The following ABHD6 variants were observed in gnomAD, a reference collection of about 807,000 sequenced individuals.
The protein encoded by ABHD6 is abhydrolase domain containing 6, acylglycerol lipase.
ABHD6 carries 33 observed loss-of-function variants against 38.8 expected under a neutral mutation model. The observed-to-expected ratio is 0.85, with a 90% confidence interval of 0.64 to 1.14. The LOEUF is 1.14. Among genes scored for constraint, ABHD6 ranks in the 50% most tolerant of loss-of-function variants. ABHD6 has a pLI of 0.00. For synonymous variants in ABHD6, 147 were observed against 161.6 expected (o/e 0.91, Z 0.69); for missense variants, 380 against 422.6 (o/e 0.90, Z 0.88).
At chr3:58,264,151 C>G (rs1575521528) in intron 3 of ABHD6, among the ~76,000 whole-genome samples, 1 of 152,156 alleles carries the variant, frequency 6.6e-6, no homozygotes, top group Non-Finnish European at 1.5e-5. Flanking sequence ...AATATATTTC[C>G]TATTCATGGA....
Position 58,269,484 on chromosome 3 carries a change from T to C in ABHD6, c.390+50T>C, listed in dbSNP as rs757119997. On this transcript the variant is annotated intron_variant, in intron 5 of 9. Transcript: ENST00000478253. This position sits in a 1 kb window ranked among gnomAD's most constrained non-coding sequence, Gnocchi z 4.4. Reference sequence around the variant, plus strand: ...TTGCCCAGACTGTCTCAGCCACCATTACATGTCTGAGTCTGGAGAGCAGGG... The same window carrying C: ...TTGCCCAGACTGTCTCAGCCACCATCACATGTCTGAGTCTGGAGAGCAGGG... 6 of 1,407,198 alleles carry C rather than the reference T, an allele frequency of 4.3e-6. No homozygotes were observed. In the South Asian group the frequency reaches 5.9e-5, roughly 14 times the overall value. 87.2% of individuals were successfully genotyped at this position (1,407,198 alleles called of 1,614,324 possible). A position where few individuals can be genotyped will look rare whatever the true frequency, so the allele number is the denominator to read the frequency against.
At chr3:58,245,605 C>T (rs2097425833) in intron 1 of ABHD6, among the ~76,000 whole-genome samples, 1 of 151,982 alleles carries the variant, frequency 6.6e-6, no homozygotes, top group Admixed American at 6.6e-5. Flanking sequence ...ATGGCAAAAC[C>T]CTGTCTCTAC....
chr3:58,277,646 ATT>A (rs2097449726), intron 7 of ABHD6, among the ~76,000 whole-genome samples: 2 of 152,122 alleles, frequency 1.3e-5, no homozygotes, highest in African/African-American at 4.8e-5. Context: ...CCAACACTAT[ATT>A]GAATAGGAGT....
Position 58,273,045 on chromosome 3 carries a change from C to G in ABHD6, c.524-1613C>G, listed in dbSNP as rs934624451. Among the ~76,000 whole-genome samples, 1 of 151,978 alleles carries G rather than the reference C, an allele frequency of 6.6e-6. No homozygotes were observed. Among genetic ancestry groups the G allele is most frequent in the African/African-American group, 2.4e-5 (1 of 41,390 alleles). On this transcript the variant is annotated intron_variant, in intron 6 of 9. Coordinates refer to ENST00000478253, the MANE Select transcript of ABHD6 (RefSeq NM_001320126.2). The surrounding 1 kb of genome is among the most constrained non-coding windows in gnomAD (Gnocchi z 4.8). The stretch of plus-strand genomic sequence containing the variant: ...TTTCAACTCATGTCCTTTTTCTGTT[C>G]TGGGATCCAGTCCAGGATGTACCAC...
intron 1 of ABHD6, among the ~76,000 whole-genome samples, chr3:58,248,569 A>G (rs1437548504): frequency 1.3e-5 from 2 of 152,122 alleles, no homozygotes; most frequent in African/African-American, 2.4e-5. Flanking sequence ...ATGGTGGCAC[A>G]TGCCTGTAAT....
At chr3:58,252,225 GCTT>G (rs1404084824) in intron 2 of ABHD6, among the ~76,000 whole-genome samples, 1 of 89,960 alleles carries the variant, frequency 1.1e-5, no homozygotes, top group Non-Finnish European at 2.0e-5. Context: ...TAAATTGACT[GCTT>G]GTTTTTTTTT....
intron 5 of ABHD6, 25 bp from the exon 6 acceptor site, chr3:58,270,907 G>A (rs773671045): frequency 6.3e-7 from 1 of 1,586,296 alleles, no homozygotes; most frequent in Non-Finnish European, 8.6e-7. Context: ...GTATAACCAA[G>A]CTGCTTTCTC....
rs532430085 is a variant in ABHD6 at position 58,273,488 on chromosome 3, A to G, written c.524-1170A>G. Reference sequence around the variant, plus strand: ...TTGGAACTAACCCAAATGCCCACCAATGATAAACTGGATAAAGAAAATGTG... The same window carrying G: ...TTGGAACTAACCCAAATGCCCACCAGTGATAAACTGGATAAAGAAAATGTG... On this transcript the variant is annotated intron_variant, in intron 6 of 9. Coordinates refer to ENST00000478253, the MANE Select transcript of ABHD6 (RefSeq NM_001320126.2). This position sits in a 1 kb window ranked among gnomAD's most constrained non-coding sequence, Gnocchi z 4.8. 9.8e-5 allele frequency among the ~76,000 whole-genome samples: 15 copies of G among 152,346 alleles called. No homozygotes were observed. Among genetic ancestry groups the G allele is most frequent in the Non-Finnish European group, 1.6e-4 (11 of 68,030 alleles).
intron 9 of ABHD6, among the ~76,000 whole-genome samples, chr3:58,286,870 G>GTATATA (rs1315175509): frequency 5.3e-5 from 4 of 75,042 alleles, no homozygotes; most frequent in African/African-American, 1.7e-4. Context: ...ATATATATAT[G>GTATATA]TATATGTATA....
At position 58,259,137 on chromosome 3, in the gene ABHD6, C is replaced by T. The variant is rs998981353; in HGVS notation, c.119+2432C>T. On this transcript the variant is annotated intron_variant, in intron 3 of 9. Coordinates refer to ENST00000478253, the MANE Select transcript of ABHD6 (RefSeq NM_001320126.2). This position sits in a 1 kb window ranked among gnomAD's most constrained non-coding sequence, Gnocchi z 4.7. ...ACAATTCACTGATGTGGCTCGTAAC[C>T]ATGGATATGGTCACATACAGAGGTG... Among the ~76,000 whole-genome samples the T allele has an allele frequency of 6.6e-6, 1 of 152,098 alleles. No individual in the cohort carries two copies. The highest frequency in any genetic ancestry group is 1.5e-5 in the Non-Finnish European group (1 of 68,008).
intron 7 of ABHD6, among the ~76,000 whole-genome samples, chr3:58,276,561 G>T (rs1404072997): frequency 1.3e-5 from 2 of 152,108 alleles, no homozygotes; most frequent in African/African-American, 4.8e-5. Flanking sequence ...CCATTCTGTA[G>T]GTTGCCTGTT....
At chr3:58,240,738 T>TTTC (rs2097422209) in intron 1 of ABHD6, among the ~76,000 whole-genome samples, 1 of 149,682 alleles carries the variant, frequency 6.7e-6, no homozygotes, top group Non-Finnish European at 1.5e-5. Context: ...GTAATTTTTT[T>TTTC]TTTTTTTTTT....
chr3:58,244,340 T>A (rs1300931733), intron 1 of ABHD6, among the ~76,000 whole-genome samples: 2 of 152,188 alleles, frequency 1.3e-5, no homozygotes, highest in Non-Finnish European at 2.9e-5. Flanking sequence ...TGAGAGGCCC[T>A]TGAGAAATCA....
chr3:58,282,792 C>T (rs1185913948), intron 7 of ABHD6, among the ~76,000 whole-genome samples: 1 of 152,098 alleles, frequency 6.6e-6, no homozygotes, highest in Non-Finnish European at 1.5e-5. Flanking sequence ...AGTAGAAGGG[C>T]AGGCTTGGGG....
chr3:58,280,465 C>T (rs1221448398), intron 7 of ABHD6, among the ~76,000 whole-genome samples: 1 of 152,170 alleles, frequency 6.6e-6, no homozygotes, highest in African/African-American at 2.4e-5. Flanking sequence ...CTTCTCTACA[C>T]TGTTTATTCT....
chr3:58,290,080 G>A (rs1283034439), intron 9 of ABHD6, among the ~76,000 whole-genome samples: 5 of 121,578 alleles, frequency 4.1e-5, no homozygotes, highest in African/African-American at 1.4e-4. Context: ...GCGGCTGGCC[G>A]GGCAGAGAGG....
At chr3:58,240,239 T>TA (rs200129705) in intron 1 of ABHD6, among the ~76,000 whole-genome samples, 1 of 151,846 alleles carries the variant, frequency 6.6e-6, no homozygotes, top group Non-Finnish European at 1.5e-5. Flanking sequence ...TCATATTCTT[T>TA]AAAAAAATTT....
chr3:58,250,941 G>C (rs1269976843), intron 2 of ABHD6, among the ~76,000 whole-genome samples: 2 of 152,200 alleles, frequency 1.3e-5, no homozygotes, highest in Non-Finnish European at 2.9e-5. Context: ...CTTCACCTTT[G>C]CCTAACAGGA....
intron 4 of ABHD6, among the ~76,000 whole-genome samples, chr3:58,268,375 C>G (rs1314823121): frequency 6.6e-6 from 1 of 152,022 alleles, no homozygotes; most frequent in Non-Finnish European, 1.5e-5. Flanking sequence ...TTTTTCTTTT[C>G]CTTTGCCATT....
Sources: gnomAD v4.1 joint callset for allele counts (sites outside exome capture counted in the v4.1 genomes callset) on GRCh38, gnomAD v4.1.1 for gene constraint, Gnocchi (gnomAD v3.1) non-coding constraint, MANE v1.5 for transcripts, NCBI Gene and HGNC (gene_info 2026-07-23, HGNC 2026-07-21) for gene names.